The following KLHDC4 variants were observed in gnomAD, a reference collection of about 807,000 sequenced individuals.
KLHDC4 encodes kelch domain-containing protein 4.
KLHDC4 carries 90 observed loss-of-function variants against 62.4 expected under a neutral mutation model. The observed-to-expected ratio is 1.44, with a 90% confidence interval of 1.22 to 1.72. KLHDC4 has a LOEUF of 1.72. Ranked by LOEUF, KLHDC4 falls within the 40% of genes most tolerant of loss-of-function variation. The pLI is 0.00. For missense variants in KLHDC4, 1,025 were observed against 699.7 expected (o/e 1.47, Z -5.25); for synonymous variants, 386 against 284.4 (o/e 1.36, Z -3.59).
In KLHDC4 at chr16:87,726,810, G is replaced by A. The variant is rs532480726; in HGVS notation, c.714C>T (p.Val238=). 8 of 1,611,140 alleles carry A rather than the reference G, an allele frequency of 5.0e-6. No homozygotes were observed. The South Asian group carries it at 5.5e-5, about 11-fold the overall frequency. The change falls in exon 7 of 12, where the codon GTC becomes GTT. Residue 238 remains valine (V), a synonymous_variant. Transcript: ENST00000270583. ...AGACGACGATGCCGCCCTGGGGAGT[G>A]ACGGACATCTGGCAGCCTGATCTGG... The part of the protein sequence containing the change: ...PTPRSGCQMS[V]TPQGGIVVYG...
At chr16:87,765,184 C>A (rs1335144546) in intron 1 of KLHDC4, 1 of 456,060 alleles carries the variant, frequency 2.2e-6, no homozygotes, top group East Asian at 6.9e-5. Context: ...AAGGTCAGGA[C>A]GGATCCTCCT....
chr16:87,722,683 G>C (rs1367548657), intron 7 of KLHDC4, among the ~76,000 whole-genome samples: 1 of 152,246 alleles, frequency 6.6e-6, no homozygotes, highest in African/African-American at 2.4e-5. Flanking sequence ...CAGGGGGATG[G>C]AAACTGGGGC....
At chr16:87,731,369 G>C (rs1008765370) in intron 5 of KLHDC4, among the ~76,000 whole-genome samples, 1 of 151,778 alleles carries the variant, frequency 6.6e-6, no homozygotes, top group Non-Finnish European at 1.5e-5. Flanking sequence ...ACTGTGCCCG[G>C]CCCAGAATTC....
At position 87,756,487 on chromosome 16, in the gene KLHDC4, A is replaced by G. The variant is rs2044930712; in HGVS notation, c.192-10T>C. 2 of 1,610,612 alleles carry G rather than the reference A, an allele frequency of 1.2e-6. No homozygotes were observed. Among genetic ancestry groups the G allele is most frequent in the Non-Finnish European group, 8.5e-7 (1 of 1,177,096 alleles). On this transcript the variant is annotated splice_polypyrimidine_tract_variant and intron_variant, in intron 2 of 11. Transcript: ENST00000270583. ...GAGGGAGGCATTTAACCTACAAGAC[A>G]CACAAGCGGCAGGTCAGCAAGATCA...
downstream of KLHDC4, chr16:87,702,947 A>G (rs532172754): frequency 4.4e-4 from 67 of 152,548 alleles, no homozygotes; most frequent in African/African-American, 1.5e-3. Context: ...AATGAAAAAA[A>G]GTTTTCCTAA....
chr16:87,719,050 GGGGGGCAGCCCCCGCCCGGCCA>G (rs2037700334), intron 7 of KLHDC4, among the ~76,000 whole-genome samples: 2 of 151,722 alleles, frequency 1.3e-5, no homozygotes, highest in Non-Finnish European at 2.9e-5. Flanking sequence ...TCCGGGAGGT[GGGGGGCAGCCCCCGCCCGGCCA>G]GCCGCCCCGT....
intron 7 of KLHDC4, among the ~76,000 whole-genome samples, chr16:87,717,238 AAAATT>A (rs1267396378): frequency 6.6e-6 from 1 of 152,244 alleles, no homozygotes; most frequent in Non-Finnish European, 1.5e-5. Context: ...AAAAATTAAA[AAAATT>A]AAAGAGACCA....
chr16:87,748,798 C>A lies in KLHDC4; in HGVS notation c.381G>T (p.Val127=). ...PRRCAHQAVV[V]PQGGGQLWVF... ...CCCACAGCTGTCCGCCACCTTGAGG[C>A]ACTACCACCGCCTGTGAAAAGAAAG... is the stretch of plus-strand genomic sequence containing the variant. The change falls in exon 5 of 12, where the codon GTG becomes GTT. Residue 127 remains valine, a synonymous_variant. Transcript: ENST00000270583. 1.2e-6 allele frequency: 2 copies of A among 1,612,516 alleles called. No homozygotes were observed. The highest frequency in any genetic ancestry group is 1.7e-6 in the Non-Finnish European group (2 of 1,179,636).
chr16:87,712,525 A>G (rs1028850090), intron 8 of KLHDC4, among the ~76,000 whole-genome samples: 4 of 152,218 alleles, frequency 2.6e-5, no homozygotes, highest in African/African-American at 9.6e-5. Context: ...GGGGCTGACG[A>G]GCAGAGCACA....
At chr16:87,733,565 TGG>T in intron 5 of KLHDC4, among the ~76,000 whole-genome samples, 1 of 151,968 alleles carries the variant, frequency 6.6e-6, no homozygotes, top group Non-Finnish European at 1.5e-5. Context: ...AGCCACTCCC[TGG>T]GATCCTCACT....
intron 4 of KLHDC4, among the ~76,000 whole-genome samples, chr16:87,750,668 G>A (rs2043790090): frequency 6.6e-6 from 1 of 152,222 alleles, no homozygotes. Context: ...GTCCTCAGCA[G>A]GCTCCCTCCC....
Position 87,709,680 on chromosome 16 carries a change from C to T in KLHDC4, c.1045-13G>A, listed in dbSNP as rs370541267. The T allele has an allele frequency of 2.4e-5, 37 of 1,569,804 alleles. No homozygotes were observed. In the Middle Eastern group the frequency reaches 5.0e-4, roughly 21 times the overall value. On this transcript the variant is annotated splice_polypyrimidine_tract_variant and intron_variant, in intron 9 of 11. Transcript: ENST00000270583. ...CAGACTTGGGTCCCTATTAATAGACCGAGGAAGCAGAGAGCAGCAGCTTCA... is the reference window on the plus strand; with the variant it reads ...CAGACTTGGGTCCCTATTAATAGACTGAGGAAGCAGAGAGCAGCAGCTTCA...
At chr16:87,728,442 G>C in intron 6 of KLHDC4, among the ~76,000 whole-genome samples, 1 of 151,164 alleles carries the variant, frequency 6.6e-6, no homozygotes, top group Non-Finnish European at 1.5e-5. Context: ...AGAGTTTAAG[G>C]AAAACTCCCA....
At chr16:87,748,888 G>GC in intron 4 of KLHDC4, 79 bp from the exon 5 acceptor site, 1 of 1,556,766 alleles carries the variant, frequency 6.4e-7, no homozygotes, top group Non-Finnish European at 8.7e-7. Context: ...GTAGTGGTGA[G>GC]CGCTTCAGTA....
At position 87,749,940 on chromosome 16, in the gene KLHDC4, C is replaced by T. The variant is rs993233990; in HGVS notation, c.370-1131G>A. 4.6e-5 allele frequency among the ~76,000 whole-genome samples: 7 copies of T among 152,190 alleles called. No homozygotes were observed. The South Asian group carries it at 6.2e-4, about 13-fold the overall frequency. On this transcript the variant is annotated intron_variant, in intron 4 of 11. Coordinates refer to ENST00000270583, the MANE Select transcript of KLHDC4 (RefSeq NM_017566.4). ...CCACAGTAAAGGTGAAGGAGCGCAG[C>T]GGGAGTGATGCCCTCTGGGCCACAC...
intron 1 of KLHDC4, among the ~76,000 whole-genome samples, chr16:87,764,646 C>CCAAAA (rs2046347584): frequency 6.8e-4 from 23 of 33,820 alleles, no homozygotes; most frequent in South Asian, 2.4e-3. Flanking sequence ...GAAACTCCTT[C>CCAAAA]AAAAAAAAAA....
chr16:87,753,492 G>A (rs1320253550), intron 4 of KLHDC4, among the ~76,000 whole-genome samples: 1 of 152,146 alleles, frequency 6.6e-6, no homozygotes, highest in East Asian at 1.9e-4. Context: ...AACACTGTTT[G>A]ATAGGTGAAA....
intron 4 of KLHDC4, among the ~76,000 whole-genome samples, chr16:87,749,443 G>A (rs918618923): frequency 6.6e-6 from 1 of 151,410 alleles, no homozygotes; most frequent in Non-Finnish European, 1.5e-5. Context: ...AGTCCCAGCT[G>A]CTTGGGAGGC....
exon 1 of KLHDC4, chr16:87,699,776 G>A (rs933262310): frequency 3.3e-5 from 5 of 152,276 alleles, no homozygotes; most frequent in African/African-American, 1.2e-4. Flanking sequence ...CCCCAAGCCA[G>A]GCCATGGGCC....
Sources: gnomAD v4.1 joint callset for allele counts (sites outside exome capture counted in the v4.1 genomes callset) on GRCh38, gnomAD v4.1.1 for gene constraint, MANE v1.5 for transcripts, NCBI Gene and HGNC (gene_info 2026-07-23, HGNC 2026-07-21) for gene names.